Variants in ZNF827 observed in about 807,000 individuals in gnomAD.
ZNF827 encodes the protein zinc finger protein 827.
In ZNF827, 13 loss-of-function variants were observed where a neutral mutation model predicts 102.4. The ratio of observed to expected loss-of-function variants is 0.13; its 90% CI spans 0.08 to 0.20. The LOEUF is 0.20. Ranked by LOEUF, ZNF827 falls within the 10% of genes least tolerant of loss-of-function variation. The pLI, the probability that ZNF827 is intolerant of heterozygous loss-of-function variation, is 1.00. For missense variants in ZNF827, 1,103 were observed against 1,344.4 expected, an observed-to-expected ratio of 0.82 and a Z score of 2.81; for synonymous variants, 523 against 536.2, an observed-to-expected ratio of 0.98 and a Z score of 0.34.
intron 8 of ZNF827, among the ~76,000 whole-genome samples, chr4:145,799,188 G>C (rs936123367): frequency 6.6e-6 from 1 of 152,180 alleles, no homozygotes; most frequent in African/African-American, 2.4e-5. Context: ...CAAATATTGA[G>C]ATTTACAAAC....
chr4:145,868,002 A>G (rs1362419613), intron 5 of ZNF827, among the ~76,000 whole-genome samples: 1 of 152,240 alleles, frequency 6.6e-6, no homozygotes, highest in Admixed American at 6.5e-5. Context: ...AAGAACACAC[A>G]AAGTTTTTTC....
rs575173942 is a variant in ZNF827, at chr4:145,902,773, G to A, written c.486C>T (p.His162=). 38 of 1,614,118 alleles carry A rather than the reference G, an allele frequency of 2.4e-5. No individual in the cohort carries two copies. In the East Asian group the frequency reaches 2.7e-4, roughly 11 times the overall value. Residue 162 remains histidine (H), a synonymous_variant, in exon 2 of 15, where the codon CAC becomes CAT. Coordinates refer to ENST00000508784, the MANE Select transcript of ZNF827 (RefSeq NM_001306215.2). This position sits in a 1 kb window ranked among gnomAD's most constrained non-coding sequence, Gnocchi z 4.3. ...TGGCCAGAACACTGAGCTGCTGGGC[G>A]TGGTGGGAAGGCGGGGAAAAGGAGA... ...SNLSFSPPSH[H]AQQLSVLARK... is the part of the protein sequence containing the mutation.
Position 145,762,965 on chromosome 4 carries a change from T to C in ZNF827, c.*17+125A>G. 2.2e-6 allele frequency: 2 copies of C among 905,742 alleles called. No individual in the cohort carries two copies. The highest frequency in any genetic ancestry group is 3.3e-6 in the Non-Finnish European group (2 of 602,252). 56.1% of individuals were successfully genotyped at this position (905,742 alleles called of 1,614,324 possible). Reference sequence around the variant, plus strand: ...ACAACCAAGTGCACCGTGCACGGCCTCCTCAGCGCCAAGCTCGCCGTTAGC... The same window carrying C: ...ACAACCAAGTGCACCGTGCACGGCCCCCTCAGCGCCAAGCTCGCCGTTAGC... On this transcript the variant is annotated intron_variant, in intron 14 of 14. Coordinates refer to ENST00000508784, the MANE Select transcript of ZNF827 (RefSeq NM_001306215.2). The surrounding 1 kb of genome is among the most constrained non-coding windows in gnomAD (Gnocchi z 4.9).
chr4:145,767,793 A>G (rs1250394095), intron 11 of ZNF827, among the ~76,000 whole-genome samples: 1 of 152,194 alleles, frequency 6.6e-6, no homozygotes, highest in Non-Finnish European at 1.5e-5. Context: ...GGCAACAAAC[A>G]AAAGCTCACA....
intron 2 of ZNF827, among the ~76,000 whole-genome samples, chr4:145,895,640 G>A (rs1318981071): frequency 6.6e-6 from 1 of 152,096 alleles, no homozygotes; most frequent in Non-Finnish European, 1.5e-5. Context: ...TTCACCTTTG[G>A]CCAGTCATCT....
At chr4:145,784,620 A>G (rs958383002) in intron 8 of ZNF827, among the ~76,000 whole-genome samples, 1 of 152,232 alleles carries the variant, frequency 6.6e-6, no homozygotes, top group Admixed American at 6.5e-5. Context: ...CTTTAAAAAA[A>G]CTTTTTATGA....
At chr4:145,909,772 T>C (rs1444028159) in intron 1 of ZNF827, among the ~76,000 whole-genome samples, 1 of 152,236 alleles carries the variant, frequency 6.6e-6, no homozygotes, top group Non-Finnish European at 1.5e-5. Flanking sequence ...AGGCCGGTTT[T>C]ACTTGCCAAG....
chr4:145,863,771 C>T (rs1226745195), intron 5 of ZNF827, among the ~76,000 whole-genome samples: 1 of 152,016 alleles, frequency 6.6e-6, no homozygotes, highest in Non-Finnish European at 1.5e-5. Context: ...ATGGGCTCGA[C>T]ATTTTTGGGA....
At chr4:145,911,592 T>A (rs184485516) in intron 1 of ZNF827, among the ~76,000 whole-genome samples, 42 of 152,304 alleles carry the variant, frequency 2.8e-4, no homozygotes, top group Admixed American at 1.6e-3. Context: ...TATCAAAAAC[T>A]ATTCATTATA....
At chr4:145,806,826 A>G (rs1741500535) in intron 8 of ZNF827, among the ~76,000 whole-genome samples, 1 of 152,198 alleles carries the variant, frequency 6.6e-6, no homozygotes, top group South Asian at 2.1e-4. Context: ...CCAATGATGC[A>G]ATGAGACAGT....
At chr4:145,911,296 C>T (rs887422957) in intron 1 of ZNF827, among the ~76,000 whole-genome samples, 1 of 152,204 alleles carries the variant, frequency 6.6e-6, no homozygotes, top group Non-Finnish European at 1.5e-5. Context: ...CTGCATTCCA[C>T]TCTATAAACA....
At chr4:145,804,211 T>G (rs1240840475) in intron 8 of ZNF827, among the ~76,000 whole-genome samples, 1 of 152,228 alleles carries the variant, frequency 6.6e-6, no homozygotes, top group Admixed American at 6.5e-5. Context: ...CTCTCCACCC[T>G]CTACTCCCCA....
intron 4 of ZNF827, among the ~76,000 whole-genome samples, chr4:145,874,229 T>C (rs1200543388): frequency 6.6e-6 from 1 of 152,190 alleles, no homozygotes; most frequent in African/African-American, 2.4e-5. Flanking sequence ...TAAAAGGCAA[T>C]AGGCAAGCTG....
chr4:145,891,147 T>G (rs1017583555), intron 3 of ZNF827, among the ~76,000 whole-genome samples: 2 of 152,238 alleles, frequency 1.3e-5, no homozygotes, highest in African/African-American at 2.4e-5. Context: ...TCAGTGAAGA[T>G]ATGATTGCTA....
intron 8 of ZNF827, among the ~76,000 whole-genome samples, chr4:145,786,558 G>A (rs1337928329): frequency 6.6e-6 from 1 of 152,148 alleles, no homozygotes; most frequent in Non-Finnish European, 1.5e-5. Flanking sequence ...CTGAAATTCT[G>A]AAATCCTCTG....
intron 1 of ZNF827, among the ~76,000 whole-genome samples, chr4:145,910,835 C>T (rs1004350368): frequency 5.3e-5 from 8 of 152,318 alleles, no homozygotes; most frequent in African/African-American, 1.9e-4. Flanking sequence ...TGCTCTTCCT[C>T]TGCCTGAAAC....
Position 145,819,406 on chromosome 4 carries a change from C to T in ZNF827, c.2383+4016G>A, listed in dbSNP as rs568149065. 2.0e-5 allele frequency among the ~76,000 whole-genome samples: 3 copies of T among 152,298 alleles called. No individual in the cohort carries two copies. The South Asian group carries it at 6.2e-4, about 32-fold the overall frequency. On this transcript the variant is annotated intron_variant, in intron 8 of 14. Coordinates refer to ENST00000508784, the MANE Select transcript of ZNF827 (RefSeq NM_001306215.2). ...AAGCAGTACTGGGATATAAATTCTT[C>T]TCTTAACAGCCTTTGCTTACAGCAA...
intron 7 of ZNF827, among the ~76,000 whole-genome samples, chr4:145,837,282 A>G (rs1477915126): frequency 3.3e-5 from 5 of 152,172 alleles, no homozygotes; most frequent in African/African-American, 1.2e-4. Flanking sequence ...GTCTTTTAAA[A>G]CACACCTCAC....
intron 8 of ZNF827, among the ~76,000 whole-genome samples, chr4:145,807,989 T>G (rs1301617477): frequency 6.6e-6 from 1 of 151,944 alleles, no homozygotes; most frequent in Non-Finnish European, 1.5e-5. Flanking sequence ...CCAAAAATTG[T>G]GTCAGAAATA....
Sources: allele counts gnomAD v4.1 joint callset (sites outside exome capture counted in the v4.1 genomes callset), GRCh38; gene constraint gnomAD v4.1.1; non-coding constraint Gnocchi (gnomAD v3.1); transcripts MANE v1.5; gene names NCBI Gene and HGNC (gene_info 2026-07-23, HGNC 2026-07-21).